Variants in MYOM2 observed in about 807,000 individuals in gnomAD.
MYOM2 encodes myomesin-2.
MYOM2 carries 254 observed loss-of-function variants against 187.6 expected under a neutral mutation model. That is an observed-to-expected ratio of 1.35 (90% CI 1.22 to 1.50). The LOEUF (loss-of-function observed/expected upper bound fraction) is 1.50, where lower values mean the gene tolerates loss of function less well. Ranked by LOEUF, MYOM2 falls within the 40% of genes most tolerant of loss-of-function variation. The probability of loss-of-function intolerance (pLI) is 0.00; values close to 1 mark genes in which losing one functional copy is unlikely to be tolerated. For missense variants in MYOM2, 2,796 were observed against 1,924.0 expected, an observed-to-expected ratio of 1.45 and a Z score of -8.48; for synonymous variants, 981 against 753.8, an observed-to-expected ratio of 1.30 and a Z score of -4.94.
At chr8:2,097,848 T>C (rs1796546338) in intron 18 of MYOM2, among the ~76,000 whole-genome samples, 1 of 152,238 alleles carries the variant, frequency 6.6e-6, no homozygotes, top group Non-Finnish European at 1.5e-5. Flanking sequence ...TTTTCAAATA[T>C]GTCTACAACA....
At chr8:2,074,639 G>A (rs750299706) in intron 10 of MYOM2, among the ~76,000 whole-genome samples, 2 of 152,046 alleles carry the variant, frequency 1.3e-5, no homozygotes, top group Non-Finnish European at 1.5e-5. Context: ...ATTTTTAGTA[G>A]AGATGGGATT....
At chr8:2,106,752 A>G (rs1240691591) in intron 23 of MYOM2, among the ~76,000 whole-genome samples, 155 bp downstream of exon 23, 3 of 152,248 alleles carry the variant, frequency 2.0e-5, no homozygotes, top group Non-Finnish European at 4.4e-5. Flanking sequence ...AACTTGCTTT[A>G]GAAATTAAAC....
intron 13 of MYOM2, among the ~76,000 whole-genome samples, chr8:2,083,969 C>T: frequency 6.6e-6 from 1 of 152,262 alleles, no homozygotes; most frequent in Middle Eastern, 3.2e-3. Context: ...CGAGATGCTG[C>T]TGTCAGCGGC....
chr8:2,064,524 C>A, intron 6 of MYOM2, among the ~76,000 whole-genome samples: 1 of 146,966 alleles, frequency 6.8e-6, no homozygotes, highest in Non-Finnish European at 1.5e-5. Flanking sequence ...CTTCGGAGAG[C>A]CCACGTGTTT....
chr8:2,057,731 G>C lies in MYOM2; in HGVS notation c.511G>C (p.Val171Leu). 1.2e-6 allele frequency: 2 copies of C among 1,614,130 alleles called. No homozygotes were observed. The highest frequency in any genetic ancestry group is 1.7e-6 in the Non-Finnish European group (2 of 1,180,030). Residue 171 changes from valine to leucine, a missense_variant, in exon 5 of 37, where the codon GTG becomes CTG. Transcript: ENST00000262113. ...CCACACCGTCTGGGAGAGGATGTCTGTGAAACTCTGCTTCACCGTGCAAGG... is the reference window on the plus strand; with the variant it reads ...CCACACCGTCTGGGAGAGGATGTCTCTGAAACTCTGCTTCACCGTGCAAGG... The part of the protein sequence containing the change: ...RSHTVWERMS[V>L]KLCFTVQGFP...
chr8:2,125,228 T>C (rs139571537), intron 31 of MYOM2, among the ~76,000 whole-genome samples: 7 of 152,336 alleles, frequency 4.6e-5, no homozygotes, highest in African/African-American at 1.7e-4. Context: ...TCAGGTCTTA[T>C]GTTTAAGTCT....
chr8:2,091,220 G>C (rs1329643056), intron 15 of MYOM2, among the ~76,000 whole-genome samples: 2 of 151,704 alleles, frequency 1.3e-5, no homozygotes, highest in Admixed American at 1.3e-4. Context: ...AAAAATTTTT[G>C]TTTTGTAGAG....
chr8:2,136,632 G>C (rs779180137), intron 32 of MYOM2, among the ~76,000 whole-genome samples: 1 of 146,978 alleles, frequency 6.8e-6, no homozygotes, highest in African/African-American at 2.7e-5. Flanking sequence ...ATTGTGTGCA[G>C]TGGGGCCCTT....
chr8:2,064,566 G>T (rs930362327), intron 6 of MYOM2, among the ~76,000 whole-genome samples: 2 of 152,194 alleles, frequency 1.3e-5, no homozygotes, highest in African/African-American at 2.4e-5. Flanking sequence ...AGCGGATGGA[G>T]GGCTTCTTCC....
At chr8:2,069,838 G>A (rs941237544) in intron 8 of MYOM2, among the ~76,000 whole-genome samples, 3 of 152,160 alleles carry the variant, frequency 2.0e-5, no homozygotes, top group South Asian at 2.1e-4. Context: ...GAGACTTTAC[G>A]TTTTTGAACT....
At chr8:2,062,818 T>A (rs1022392640) in intron 6 of MYOM2, among the ~76,000 whole-genome samples, 1 of 152,146 alleles carries the variant, frequency 6.6e-6, no homozygotes, top group African/African-American at 2.4e-5. Flanking sequence ...TCCCAAGCTG[T>A]GTTCTGATAA....
chr8:2,076,552 C>T (rs897884352), intron 11 of MYOM2: 9 of 435,414 alleles, frequency 2.1e-5, no homozygotes, highest in South Asian at 1.5e-4. Flanking sequence ...ATCCCACCAA[C>T]GTCTTCAGGC....
At chr8:2,067,062 G>A (rs570072147) in intron 6 of MYOM2, among the ~76,000 whole-genome samples, 1 of 152,326 alleles carries the variant, frequency 6.6e-6, no homozygotes, top group African/African-American at 2.4e-5. Flanking sequence ...CTGACATATT[G>A]AAACTGGATT....
At chr8:2,134,269 C>T (rs1455262655) in intron 32 of MYOM2, among the ~76,000 whole-genome samples, 2 of 152,050 alleles carry the variant, frequency 1.3e-5, no homozygotes, top group Admixed American at 1.3e-4. Context: ...TCTCTCTCGG[C>T]CTGGGTGCCT....
intron 1 of MYOM2, among the ~76,000 whole-genome samples, chr8:2,047,333 A>T (rs1274448168): frequency 6.6e-6 from 1 of 152,126 alleles, no homozygotes; most frequent in Admixed American, 6.5e-5. Context: ...CTAACATAGG[A>T]AGTCCCCCAA....
At position 2,124,209 on chromosome 8, in the gene MYOM2, G is replaced by T. The variant is rs748628265; in HGVS notation, c.3686G>T (p.Arg1229Ile). 1 of 1,612,658 alleles carries T rather than the reference G, an allele frequency of 6.2e-7. No individual in the cohort carries two copies. The highest frequency in any genetic ancestry group is 8.5e-7 in the Non-Finnish European group (1 of 1,179,108). Residue 1229 changes from arginine to isoleucine, a missense_variant, in exon 31 of 37, where the codon AGA becomes ATA. Transcript: ENST00000262113. ...GATGATATGATTTTGGCAATGAGTA[G>T]AGTCTGTGGTAAGTAAATGCCTTTT... ...VYDDMILAMS[R>I]VCGKSASPLK... is the part of the protein sequence containing the mutation.
At chr8:2,131,530 CA>C (rs1320306731) in intron 32 of MYOM2, among the ~76,000 whole-genome samples, 2 of 150,846 alleles carry the variant, frequency 1.3e-5, no homozygotes, top group East Asian at 2.0e-4. Flanking sequence ...TCCCTAGATA[CA>C]AAAAGAGAAG....
chr8:2,066,308 C>T (rs955543475), intron 6 of MYOM2, among the ~76,000 whole-genome samples: 1 of 152,202 alleles, frequency 6.6e-6, no homozygotes, highest in Non-Finnish European at 1.5e-5. Flanking sequence ...ACAGGACAGG[C>T]TCCAGGTCAG....
chr8:2,129,310 C>T (rs1360808728), intron 32 of MYOM2, 78 bp downstream of exon 32: 4 of 898,674 alleles, frequency 4.5e-6, no homozygotes, highest in Non-Finnish European at 5.4e-6. Flanking sequence ...CAGGCGCTCC[C>T]TGGGGAACAT....
Sources: allele counts gnomAD v4.1 joint callset (sites outside exome capture counted in the v4.1 genomes callset), GRCh38; gene constraint gnomAD v4.1.1; transcripts MANE v1.5; gene names NCBI Gene and HGNC (gene_info 2026-07-23, HGNC 2026-07-21).